The following SGCZ variants were observed in gnomAD, a reference collection of about 807,000 sequenced individuals.
SGCZ encodes zeta-sarcoglycan.
A neutral mutation model predicts 41.3 loss-of-function variants in SGCZ; 40 were observed. That is an observed-to-expected ratio of 0.97 (90% confidence interval 0.75 to 1.26). SGCZ has a LOEUF of 1.26. Ranked by LOEUF, SGCZ falls within the 50% of genes most tolerant of loss-of-function variation. SGCZ has a pLI of 0.00. For missense variants in SGCZ, 552 were observed against 369.8 expected, an observed-to-expected ratio of 1.49 and a Z score of -4.04; for synonymous variants, 206 against 137.5, an observed-to-expected ratio of 1.50 and a Z score of -3.49.
intron 1 of SGCZ, among the ~76,000 whole-genome samples, chr8:14,849,749 G>T (rs1053620006): frequency 6.6e-6 from 1 of 151,974 alleles, no homozygotes; most frequent in African/African-American, 2.4e-5. Flanking sequence ...GTATACTTAT[G>T]TCAAAAAGTA....
In SGCZ at chr8:14,439,473, C is replaced by T. The variant is rs566244686; in HGVS notation, c.234+115259G>A. On this transcript the variant is annotated intron_variant, in intron 2 of 7. Coordinates refer to ENST00000382080, the MANE Select transcript of SGCZ (RefSeq NM_139167.4). ...CTCAGATGCCAAAATCAGACCAAGACAGTACAAAAACAGAAAACACATATC... is the reference window on the plus strand; with the variant it reads ...CTCAGATGCCAAAATCAGACCAAGATAGTACAAAAACAGAAAACACATATC... 1.2e-4 allele frequency among the ~76,000 whole-genome samples: 18 copies of T among 151,530 alleles called. 1 individual carries two copies. The highest frequency in any genetic ancestry group is 2.4e-4 in the Non-Finnish European group (16 of 67,806).
chr8:14,986,944 T>G (rs1319470605), intron 1 of SGCZ, among the ~76,000 whole-genome samples: 1 of 151,864 alleles, frequency 6.6e-6, no homozygotes, highest in East Asian at 1.9e-4. Flanking sequence ...TGGAAAAAAT[T>G]AAAGGAGGAG....
chr8:14,802,610 G>C (rs184575579), intron 1 of SGCZ, among the ~76,000 whole-genome samples: 3 of 152,226 alleles, frequency 2.0e-5, no homozygotes, highest in East Asian at 3.9e-4. Flanking sequence ...CACAGAGAGA[G>C]AGAGACAGAG....
At chr8:14,276,406 C>A (rs1196868278) in intron 3 of SGCZ, among the ~76,000 whole-genome samples, 1 of 152,128 alleles carries the variant, frequency 6.6e-6, no homozygotes, top group African/African-American at 2.4e-5. Flanking sequence ...GGTTTCATTG[C>A]ATGACTGAAG....
At chr8:14,424,998 T>C (rs905891729) in intron 2 of SGCZ, among the ~76,000 whole-genome samples, 37 of 152,206 alleles carry the variant, frequency 2.4e-4, no homozygotes, top group Non-Finnish European at 4.6e-4. Context: ...TCATTGAAAT[T>C]TTCATGACTT....
chr8:14,135,899 G>A (rs538262644), intron 5 of SGCZ, among the ~76,000 whole-genome samples: 37 of 151,382 alleles, frequency 2.4e-4, no homozygotes, highest in African/African-American at 4.1e-4. Context: ...TCTACAAAAC[G>A]TTTATAAAAG....
At chr8:14,267,973 T>A (rs1338937810) in intron 3 of SGCZ, among the ~76,000 whole-genome samples, 2 of 151,818 alleles carry the variant, frequency 1.3e-5, no homozygotes, top group African/African-American at 4.8e-5. Context: ...ATTGGTCAAT[T>A]ATAGCATTTC....
At chr8:14,120,819 T>A in intron 5 of SGCZ, among the ~76,000 whole-genome samples, 1 of 152,250 alleles carries the variant, frequency 6.6e-6, no homozygotes, top group East Asian at 1.9e-4. Context: ...CATAACCATA[T>A]GTAAGATTAT....
chr8:14,613,078 C>T (rs1323929453), intron 1 of SGCZ, among the ~76,000 whole-genome samples: 1 of 152,138 alleles, frequency 6.6e-6, no homozygotes, highest in Non-Finnish European at 1.5e-5. Flanking sequence ...GGAGGCTGCA[C>T]CCTGTGCCCT....
At chr8:14,974,645 G>A (rs773360300) in intron 1 of SGCZ, among the ~76,000 whole-genome samples, 1 of 152,196 alleles carries the variant, frequency 6.6e-6, no homozygotes, top group Non-Finnish European at 1.5e-5. Flanking sequence ...CATGTTCCAA[G>A]GTGTAAACAA....
At chr8:14,238,733 C>T (rs1806857773) in intron 3 of SGCZ, among the ~76,000 whole-genome samples, 1 of 151,848 alleles carries the variant, frequency 6.6e-6, no homozygotes, top group Non-Finnish European at 1.5e-5. Flanking sequence ...TCATTATGTA[C>T]AATATAATGT....
chr8:14,864,583 T>A (rs1223123042), intron 1 of SGCZ, among the ~76,000 whole-genome samples: 6 of 152,154 alleles, frequency 3.9e-5, no homozygotes, highest in Non-Finnish European at 5.9e-5. Flanking sequence ...TAATAAGATT[T>A]AGATTGTTTG....
At chr8:14,393,558 G>C (rs1585445421) in intron 2 of SGCZ, among the ~76,000 whole-genome samples, 1 of 152,100 alleles carries the variant, frequency 6.6e-6, no homozygotes, top group South Asian at 2.1e-4. Flanking sequence ...ATCAGACACT[G>C]CCTCCTCAAA....
At chr8:14,218,286 T>C (rs1208216557) in intron 4 of SGCZ, among the ~76,000 whole-genome samples, 2 of 152,190 alleles carry the variant, frequency 1.3e-5, no homozygotes, top group African/African-American at 2.4e-5. Flanking sequence ...TTTCCTGTAT[T>C]AGCAACAATT....
At chr8:14,213,304 G>C (rs1288990051) in intron 4 of SGCZ, among the ~76,000 whole-genome samples, 4 of 152,054 alleles carry the variant, frequency 2.6e-5, no homozygotes, top group Non-Finnish European at 5.9e-5. Context: ...AGCAATTAAA[G>C]AGAAAAGCAT....
At chr8:14,609,400 A>G (rs997701453) in intron 1 of SGCZ, among the ~76,000 whole-genome samples, 1 of 152,180 alleles carries the variant, frequency 6.6e-6, no homozygotes, top group Non-Finnish European at 1.5e-5. Context: ...CCAGATGTCT[A>G]TAAGTCACTT....
intron 1 of SGCZ, among the ~76,000 whole-genome samples, chr8:14,558,750 C>G (rs922865097): frequency 6.6e-6 from 1 of 152,044 alleles, no homozygotes; most frequent in South Asian, 2.1e-4. Flanking sequence ...AAAATACTAG[C>G]TAACCAAATC....
intron 1 of SGCZ, among the ~76,000 whole-genome samples, chr8:14,934,066 C>T (rs983074093): frequency 6.6e-6 from 1 of 151,922 alleles, no homozygotes; most frequent in Non-Finnish European, 1.5e-5. Flanking sequence ...AATAAGAATT[C>T]ATAGCCAATA....
At chr8:15,131,732 C>T (rs1807910369) in intron 1 of SGCZ, among the ~76,000 whole-genome samples, 1 of 150,538 alleles carries the variant, frequency 6.6e-6, no homozygotes, top group African/African-American at 2.4e-5. Context: ...CTCTGTTCAT[C>T]ATTTATGCCA....
Sources: allele counts gnomAD v4.1 joint callset (sites outside exome capture counted in the v4.1 genomes callset), GRCh38; gene constraint gnomAD v4.1.1; transcripts MANE v1.5; gene names NCBI Gene and HGNC (gene_info 2026-07-23, HGNC 2026-07-21).